Variants in GPHN observed in about 807,000 individuals in gnomAD.
GPHN encodes the protein gephyrin.
A neutral mutation model predicts 95.5 loss-of-function variants in GPHN; 17 were observed. That is an observed-to-expected ratio of 0.18 (90% CI 0.12 to 0.27). The LOEUF is 0.27. Ranked by LOEUF, GPHN falls within the 10% of genes least tolerant of loss-of-function variation. GPHN has a pLI of 1.00. For synonymous variants in GPHN, 320 were observed against 322.5 expected (o/e 0.99, Z 0.08); for missense variants, 660 against 978.1 (o/e 0.67, Z 4.34).
At chr14:66,529,274 A>G (rs2058817309) in intron 1 of GPHN, among the ~76,000 whole-genome samples, 2 of 151,758 alleles carry the variant, frequency 1.3e-5, no homozygotes, top group Non-Finnish European at 2.9e-5. Context: ...ATACTTGTGT[A>G]TGCTTCACAA....
intron 1 of GPHN, among the ~76,000 whole-genome samples, chr14:66,524,919 T>A (rs1349244041): frequency 1.3e-5 from 2 of 152,186 alleles, no homozygotes; most frequent in Non-Finnish European, 2.9e-5. Context: ...TTGGGTTGGT[T>A]CCAAGTCTTT....
At chr14:67,329,874 A>G in the GPHN span, among the ~76,000 whole-genome samples, 1 of 96,986 alleles carries the variant, frequency 1.0e-5, no homozygotes, top group Non-Finnish European at 1.7e-5. Flanking sequence ...AAATAAATAA[A>G]TAAATAGATA....
At chr14:67,418,621 G>GA in the GPHN span, among the ~76,000 whole-genome samples, 1 of 152,216 alleles carries the variant, frequency 6.6e-6, no homozygotes, top group Admixed American at 6.5e-5. Context: ...CTTGGAGAGA[G>GA]AGCTGCAGCC....
chr14:67,626,097 T>C, the GPHN span, among the ~76,000 whole-genome samples: 2 of 151,740 alleles, frequency 1.3e-5, no homozygotes, highest in Non-Finnish European at 2.9e-5. Context: ...TACTAAAAAA[T>C]ACAAAAATTA....
In GPHN at chr14:66,644,200, T is replaced by G. The variant is rs552114654; in HGVS notation, c.65-36907T>G. On this transcript the variant is annotated intron_variant, in intron 1 of 22. Coordinates refer to ENST00000478722, the MANE Select transcript of GPHN (RefSeq NM_020806.5). Reference sequence around the variant, plus strand: ...TTCACAGAACGCCTTGGGTTACACTTGAGTTTGGGAACAAGTAATTACAAG... The same window carrying G: ...TTCACAGAACGCCTTGGGTTACACTGGAGTTTGGGAACAAGTAATTACAAG... Among the ~76,000 whole-genome samples the G allele has an allele frequency of 6.6e-5, 10 of 152,200 alleles. No homozygotes were observed. In the South Asian group the frequency reaches 2.1e-3, roughly 32 times the overall value.
rs2073785669 is a variant in GPHN at position 67,023,775 on chromosome 14, TTA to T, written c.1006+102_1006+103del. On this transcript the variant is annotated intron_variant, in intron 10 of 22. Transcript: ENST00000478722. ...AAAGAAGAAAAGCAATGGGGAATAT[TTA>T]TGTGACAAATATGAATATTAGGGCT... is the stretch of plus-strand genomic sequence containing the variant. The T allele has an allele frequency of 3.2e-6, 3 of 927,440 alleles. No homozygotes were observed. In the South Asian group the frequency reaches 4.1e-5, roughly 13 times the overall value. 57.5% of individuals were successfully genotyped at this position (927,440 alleles called of 1,614,324 possible).
rs2078467442 is a variant in GPHN at position 67,113,014 on chromosome 14, T to C, written c.1473-4T>C. On this transcript the variant is annotated splice_region_variant and splice_polypyrimidine_tract_variant and intron_variant, in intron 15 of 22. Transcript: ENST00000478722. ...ACTGCTTATGGTTCTGCTTTGACTTTCAGACCCATCGGCCATGACATTAAA... is the reference window on the plus strand; with the variant it reads ...ACTGCTTATGGTTCTGCTTTGACTTCCAGACCCATCGGCCATGACATTAAA... 6.2e-7 allele frequency: 1 copy of C among 1,613,456 alleles called. No homozygotes were observed. The highest frequency in any genetic ancestry group is 1.3e-5 in the African/African-American group (1 of 75,028).
chr14:66,618,999 T>C (rs1364245401), intron 1 of GPHN, among the ~76,000 whole-genome samples: 1 of 152,224 alleles, frequency 6.6e-6, no homozygotes, highest in Non-Finnish European at 1.5e-5. Context: ...TCTAGAGCTT[T>C]ATGTAAATAG....
the GPHN span, among the ~76,000 whole-genome samples, chr14:67,541,146 A>G: frequency 6.6e-6 from 1 of 152,218 alleles, no homozygotes; most frequent in Non-Finnish European, 1.5e-5. Context: ...TCCCATCTAA[A>G]TAGAAGATTG....
At chr14:67,099,501 TC>T (rs1941194699) in intron 12 of GPHN, among the ~76,000 whole-genome samples, 1 of 151,644 alleles carries the variant, frequency 6.6e-6, no homozygotes, top group African/African-American at 2.4e-5. Context: ...ATAAAACTCT[TC>T]TATAATACTT....
the GPHN span, chr14:67,695,568 CTA>C: frequency 1.3e-6 from 2 of 1,518,562 alleles, no homozygotes; most frequent in Non-Finnish European, 1.8e-6. Context: ...GGTGGGGATT[CTA>C]TGTTTCCCTC....
chr14:66,694,915 T>G (rs897711758), intron 2 of GPHN, among the ~76,000 whole-genome samples: 11 of 152,212 alleles, frequency 7.2e-5, no homozygotes, highest in African/African-American at 2.7e-4. Context: ...CCCAACACTT[T>G]GGGAGGCCAA....
At chr14:67,454,561 C>T in the GPHN span, 1 of 152,224 alleles carries the variant, frequency 6.6e-6, no homozygotes, top group Admixed American at 6.5e-5. Context: ...CATTTATTCA[C>T]TCATTCATTC....
chr14:66,597,632 C>A (rs2062039001), intron 1 of GPHN, among the ~76,000 whole-genome samples: 2 of 152,176 alleles, frequency 1.3e-5, no homozygotes, highest in Admixed American at 1.3e-4. Flanking sequence ...ATGCCTGGGT[C>A]TGCAGCTGTG....
intron 3 of GPHN, among the ~76,000 whole-genome samples, chr14:66,804,297 C>T (rs1165187273): frequency 2.0e-5 from 3 of 152,172 alleles, no homozygotes; most frequent in Non-Finnish European, 4.4e-5. Flanking sequence ...TGCAGCCCAG[C>T]TCTCTTGTCT....
chr14:67,389,960 G>GC, the GPHN span, among the ~76,000 whole-genome samples: 3 of 152,094 alleles, frequency 2.0e-5, no homozygotes, highest in African/African-American at 7.2e-5. Context: ...CCCTGGCCTA[G>GC]CTGGGTCCAG....
chr14:66,841,084 A>C (rs766212842), intron 4 of GPHN, among the ~76,000 whole-genome samples: 1 of 151,690 alleles, frequency 6.6e-6, no homozygotes, highest in Non-Finnish European at 1.5e-5. Context: ...ATGTTGAGAT[A>C]GAGCAATGAG....
chr14:67,449,462 G>T, the GPHN span, among the ~76,000 whole-genome samples: 6 of 152,156 alleles, frequency 3.9e-5, no homozygotes, highest in Non-Finnish European at 8.8e-5. Context: ...AGGCTAGAAG[G>T]CAGGGTGTGG....
At chr14:67,671,175 T>A in the GPHN span, among the ~76,000 whole-genome samples, 1 of 152,200 alleles carries the variant, frequency 6.6e-6, no homozygotes, top group Non-Finnish European at 1.5e-5. Context: ...ATTCTAGGGA[T>A]ATGTATATAT....
Sources: gnomAD v4.1 joint callset for allele counts (sites outside exome capture counted in the v4.1 genomes callset) on GRCh38, gnomAD v4.1.1 for gene constraint, MANE v1.5 for transcripts, NCBI Gene and HGNC (gene_info 2026-07-23, HGNC 2026-07-21) for gene names.